Variants in KCNH7 observed in about 807,000 individuals in gnomAD.
KCNH7 encodes the protein potassium voltage-gated channel subfamily H member 7, also known as voltage-gated inwardly rectifying potassium channel KCNH7.
Under a neutral mutation model 120.8 loss-of-function variants are expected in KCNH7, and 49 were observed. That is an observed-to-expected ratio of 0.41 (90% CI 0.32 to 0.51). The LOEUF is 0.51. Among genes scored for constraint, KCNH7 ranks in the 20% least tolerant of loss-of-function variants. The pLI, the probability that KCNH7 is intolerant of heterozygous loss-of-function variation, is 0.38. For synonymous variants in KCNH7, 547 were observed against 516.1 expected (o/e 1.06, Z -0.81); for missense variants, 1,097 against 1,446.6 (o/e 0.76, Z 3.92).
chr2:162,382,275 T>A (rs1217131051), intron 13 of KCNH7, among the ~76,000 whole-genome samples: 2 of 152,132 alleles, frequency 1.3e-5, no homozygotes, highest in African/African-American at 4.8e-5. Flanking sequence ...AGAGGCTTCC[T>A]TGATTATAAT....
At chr2:162,499,260 A>C (rs1011763905) in intron 6 of KCNH7, among the ~76,000 whole-genome samples, 4 of 152,156 alleles carry the variant, frequency 2.6e-5, no homozygotes, top group African/African-American at 9.7e-5. Context: ...AAATATAGCC[A>C]ATAATTTGAT....
rs967100981 is a variant in KCNH7, at chr2:162,564,950, C to G, written c.308-27870G>C. Among the ~76,000 whole-genome samples the G allele has an allele frequency of 2.0e-5, 3 of 152,008 alleles. No individual in the cohort carries two copies. The East Asian group carries it at 5.8e-4, about 29-fold the overall frequency. On this transcript the variant is annotated intron_variant, in intron 2 of 15. Transcript: ENST00000332142. ...GTTGGGCTAGACATGTTATTGGGAG[C>G]CATTTTTATATTTAAAGGCTAATTC...
chr2:162,401,772 G>C (rs1434424065), intron 9 of KCNH7, among the ~76,000 whole-genome samples: 2 of 151,710 alleles, frequency 1.3e-5, no homozygotes, highest in African/African-American at 4.8e-5. Flanking sequence ...AATGAATAGG[G>C]AGCATTTTAG....
intron 5 of KCNH7, among the ~76,000 whole-genome samples, chr2:162,506,156 A>G (rs1039518483): frequency 7.2e-5 from 11 of 151,878 alleles, no homozygotes; most frequent in Non-Finnish European, 1.5e-4. Context: ...GAAAAATGTC[A>G]CGAGCTCTCC....
chr2:162,500,926 T>C (rs1385546568), intron 6 of KCNH7, among the ~76,000 whole-genome samples: 1 of 152,122 alleles, frequency 6.6e-6, no homozygotes, highest in Admixed American at 6.5e-5. Flanking sequence ...TATGGAAATT[T>C]CAAAGATAGC....
At chr2:162,520,077 C>A (rs1482520921) in intron 3 of KCNH7, among the ~76,000 whole-genome samples, 2 of 148,854 alleles carry the variant, frequency 1.3e-5, no homozygotes, top group African/African-American at 4.9e-5. Context: ...CTAATAGATT[C>A]ATCAACATCT....
chr2:162,815,054 A>C (rs1364503027), intron 2 of KCNH7, among the ~76,000 whole-genome samples: 2 of 152,180 alleles, frequency 1.3e-5, no homozygotes, highest in African/African-American at 2.4e-5. Flanking sequence ...CCAATAACTA[A>C]GTAACAAATA....
chr2:162,775,208 A>C (rs961372527), intron 2 of KCNH7, among the ~76,000 whole-genome samples: 2 of 152,274 alleles, frequency 1.3e-5, no homozygotes, highest in Non-Finnish European at 2.9e-5. Flanking sequence ...AGTAAAAAAA[A>C]ATTATCTGAT....
chr2:162,622,991 G>GA (rs1683418136), intron 2 of KCNH7, among the ~76,000 whole-genome samples: 1 of 151,922 alleles, frequency 6.6e-6, no homozygotes, highest in Non-Finnish European at 1.5e-5. Flanking sequence ...CCCAAAGATA[G>GA]AAAAAAGGAA....
intron 2 of KCNH7, among the ~76,000 whole-genome samples, chr2:162,749,626 A>C (rs1213455351): frequency 6.6e-6 from 1 of 152,176 alleles, no homozygotes; most frequent in African/African-American, 2.4e-5. Flanking sequence ...AATTATGTTA[A>C]GTAGCTGACG....
intron 2 of KCNH7, among the ~76,000 whole-genome samples, chr2:162,730,391 T>A (rs1330089654): frequency 2.7e-5 from 4 of 149,988 alleles, no homozygotes; most frequent in African/African-American, 9.8e-5. Context: ...ATTTCCTAAA[T>A]GGGAAATCAA....
intron 6 of KCNH7, among the ~76,000 whole-genome samples, chr2:162,500,358 A>G (rs1690642092): frequency 1.3e-5 from 1 of 75,432 alleles, no homozygotes; most frequent in Admixed American, 2.1e-4. Flanking sequence ...TATATAGTAT[A>G]TAGTATATAA....
At position 162,526,237 on chromosome 2, in the gene KCNH7, T is replaced by C. The variant is rs555467231; in HGVS notation, c.464-8079A>G. On this transcript the variant is annotated intron_variant, in intron 3 of 15. Transcript: ENST00000332142. ...TCACATGCTTCACAAGGTAATAAGA[T>C]ATCACAAGGCAAATGGAGGCAGGGC... Among the ~76,000 whole-genome samples the C allele has an allele frequency of 5.9e-5, 9 of 151,810 alleles. No homozygotes were observed. The South Asian group carries it at 1.9e-3, about 32-fold the overall frequency.
intron 2 of KCNH7, among the ~76,000 whole-genome samples, chr2:162,748,155 T>TG (rs1688379336): frequency 6.6e-6 from 1 of 152,208 alleles, no homozygotes; most frequent in Admixed American, 6.5e-5. Context: ...CAAATACTCT[T>TG]GGGACCTCAT....
At chr2:162,400,138 C>G (rs748710544) in intron 10 of KCNH7, 51 bp downstream of exon 10, 1 of 1,580,442 alleles carries the variant, frequency 6.3e-7, no homozygotes, top group South Asian at 1.1e-5. Context: ...TTAAACTATG[C>G]ATTACAAGCT....
chr2:162,551,012 G>A (rs1011377921), intron 2 of KCNH7, among the ~76,000 whole-genome samples: 7 of 152,062 alleles, frequency 4.6e-5, no homozygotes, highest in African/African-American at 1.4e-4. Flanking sequence ...GACTTTCCAA[G>A]ATTAAATTCC....
Position 162,794,517 on chromosome 2 carries a change from T to C in KCNH7, c.307+42020A>G, listed in dbSNP as rs144642255. ...TGGCTTCTGTATATTCACTTAGTAC[T>C]TATACATTAACTACCAGAAAAACTT... On this transcript the variant is annotated intron_variant, in intron 2 of 15. Coordinates refer to ENST00000332142, the MANE Select transcript of KCNH7 (RefSeq NM_033272.4). 5.0e-3 allele frequency among the ~76,000 whole-genome samples: 763 copies of C among 152,204 alleles called. 9 individuals carry two copies. Among genetic ancestry groups the C allele is most frequent in the African/African-American group, 0.017 (720 of 41,566 alleles).
chr2:162,774,366 A>G (rs1218585053), intron 2 of KCNH7, among the ~76,000 whole-genome samples: 1 of 152,238 alleles, frequency 6.6e-6, no homozygotes, highest in Non-Finnish European at 1.5e-5. Flanking sequence ...TATCCTCAAC[A>G]GGGAAGGGAG....
chr2:162,710,495 G>A (rs1053847349), intron 2 of KCNH7, among the ~76,000 whole-genome samples: 2 of 152,170 alleles, frequency 1.3e-5, no homozygotes, highest in Non-Finnish European at 1.5e-5. Flanking sequence ...AGAAACCTGT[G>A]TTTACACACA....
Sources: gnomAD v4.1 joint callset for allele counts (sites outside exome capture counted in the v4.1 genomes callset) on GRCh38, gnomAD v4.1.1 for gene constraint, MANE v1.5 for transcripts, NCBI Gene and HGNC (gene_info 2026-07-23, HGNC 2026-07-21) for gene names.